The following SHISAL1 variants were observed in gnomAD, a reference collection of about 807,000 sequenced individuals.
SHISAL1 encodes protein shisa-like-1.
Under a neutral mutation model 22.6 loss-of-function variants are expected in SHISAL1, and 9 were observed. That is an observed-to-expected ratio of 0.40 (90% CI 0.24 to 0.70). The LOEUF is 0.70. SHISAL1 is among the 30% of genes least tolerant of loss of function. The pLI, the probability that SHISAL1 is intolerant of heterozygous loss-of-function variation, is 0.39. For synonymous variants in SHISAL1, 119 were observed against 115.4 expected, an observed-to-expected ratio of 1.03 and a Z score of -0.20; for missense variants, 246 against 270.6, an observed-to-expected ratio of 0.91 and a Z score of 0.64.
At chr22:44,289,480 GTGTGTGTGTGTGTGTT>G (rs2055338175) in intron 3 of SHISAL1, among the ~76,000 whole-genome samples, 1 of 151,766 alleles carries the variant, frequency 6.6e-6, no homozygotes, top group South Asian at 2.1e-4. Flanking sequence ...GTGTGTGTGT[GTGTGTGTGTGTGTGTT>G]TACTGCCGGG....
chr22:44,265,515 G>A (rs964044525), intron 4 of SHISAL1, among the ~76,000 whole-genome samples: 4 of 152,108 alleles, frequency 2.6e-5, no homozygotes, highest in African/African-American at 7.2e-5. Context: ...TGCTTTGATT[G>A]CAGCCTCCTG....
chr22:44,290,821 C>T (rs899386911), intron 3 of SHISAL1, among the ~76,000 whole-genome samples: 6 of 152,142 alleles, frequency 3.9e-5, no homozygotes, highest in East Asian at 1.9e-4. Flanking sequence ...AATGCTGGCT[C>T]GTGTGATTAA....
intron 4 of SHISAL1, among the ~76,000 whole-genome samples, chr22:44,273,600 T>A (rs1426966640): frequency 1.3e-5 from 2 of 152,266 alleles, no homozygotes; most frequent in Non-Finnish European, 2.9e-5. Context: ...ATAATGGATA[T>A]GTTTACTTGT....
chr22:44,285,848 T>C, intron 3 of SHISAL1, 103 bp from the exon 4 acceptor site: 1 of 1,026,748 alleles, frequency 9.7e-7, no homozygotes, highest in Non-Finnish European at 1.5e-6. Flanking sequence ...GGGGCTATGT[T>C]GGGGTCCCCG....
chr22:44,327,235 G>GGC, the SHISAL1 span, among the ~76,000 whole-genome samples: 1 of 107,870 alleles, frequency 9.3e-6, no homozygotes, highest in Non-Finnish European at 1.8e-5. Context: ...GAGAGTGGGG[G>GGC]GCGCGCACAC....
At chr22:44,305,770 C>A (rs893261571) in intron 1 of SHISAL1, among the ~76,000 whole-genome samples, 1 of 152,194 alleles carries the variant, frequency 6.6e-6, no homozygotes, top group Admixed American at 6.5e-5. Context: ...GTGCCCCCAA[C>A]CCCCCGAGTC....
intron 1 of SHISAL1, among the ~76,000 whole-genome samples, chr22:44,305,018 G>C (rs1006953782): frequency 6.6e-6 from 1 of 152,110 alleles, no homozygotes; most frequent in Admixed American, 6.5e-5. Context: ...CTGATGTTGC[G>C]GGGCTGATGT....
At chr22:44,300,042 GAGAC>G (rs1401542520) in intron 2 of SHISAL1, among the ~76,000 whole-genome samples, 1 of 151,260 alleles carries the variant, frequency 6.6e-6, no homozygotes, top group African/African-American at 2.4e-5. Context: ...GACACAGAAA[GAGAC>G]AGAGAGACAG....
chr22:44,286,938 C>T (rs536618911), intron 3 of SHISAL1, among the ~76,000 whole-genome samples: 2 of 152,332 alleles, frequency 1.3e-5, no homozygotes, highest in South Asian at 2.1e-4. Context: ...CTTCTGGTGT[C>T]GAGGAGGCGT....
At chr22:44,293,019 T>C (rs958074375) in intron 3 of SHISAL1, among the ~76,000 whole-genome samples, 10 of 148,274 alleles carry the variant, frequency 6.7e-5, no homozygotes, top group African/African-American at 2.2e-4. Context: ...CCCTATCCCC[T>C]GGGCTAGACA....
intron 4 of SHISAL1, among the ~76,000 whole-genome samples, chr22:44,260,452 C>T (rs1429790034): frequency 2.0e-5 from 3 of 152,160 alleles, no homozygotes; most frequent in Non-Finnish European, 2.9e-5. Context: ...TCTGCAGGTG[C>T]GGACAGTGCC....
At chr22:44,252,291 T>C (rs753332617) in intron 4 of SHISAL1, among the ~76,000 whole-genome samples, 8 of 152,160 alleles carry the variant, frequency 5.3e-5, no homozygotes, top group Non-Finnish European at 1.0e-4. Flanking sequence ...AATAACTTGA[T>C]AGCAGGGAGA....
At chr22:44,275,533 T>C (rs1463157049) in intron 4 of SHISAL1, among the ~76,000 whole-genome samples, 1 of 152,150 alleles carries the variant, frequency 6.6e-6, no homozygotes, top group Non-Finnish European at 1.5e-5. Context: ...AGGCCTACCT[T>C]GCACAGAGAA....
intron 4 of SHISAL1, among the ~76,000 whole-genome samples, chr22:44,267,130 A>C (rs1347176967): frequency 2.6e-5 from 4 of 152,084 alleles, no homozygotes; most frequent in Non-Finnish European, 5.9e-5. Flanking sequence ...GGCAGAGGGC[A>C]GGGCACGCAG....
chr22:44,261,077 T>TTATATATATA (rs56290835), intron 4 of SHISAL1, among the ~76,000 whole-genome samples: 2,669 of 108,564 alleles, frequency 0.025, 114 homozygotes, highest in African/African-American at 0.047. Flanking sequence ...CTTCATTACT[T>TTATATATATA]TATATATATA....
chr22:44,245,493 G>A lies in SHISAL1; in HGVS notation c.*4192C>T, dbSNP rs2052522843. On this transcript the variant is annotated 3_prime_UTR_variant, in exon 5 of 5. Coordinates refer to ENST00000381176, the MANE Select transcript of SHISAL1 (RefSeq NM_001099294.2). Reference sequence around the variant, plus strand: ...TTTCCTGTTGATGGGGACCAGTTCAGCCAAGTTGAAAAATTAAAAAATTTT... The same window carrying A: ...TTTCCTGTTGATGGGGACCAGTTCAACCAAGTTGAAAAATTAAAAAATTTT... The A allele has an allele frequency of 6.6e-6, 1 of 152,222 alleles. No individual in the cohort carries two copies. The highest frequency in any genetic ancestry group is 1.5e-5 in the Non-Finnish European group (1 of 68,046). The allele number at this position is 152,222 out of a possible 1,614,324, so 9.4% of individuals were successfully genotyped here. A position where few individuals can be genotyped will look rare whatever the true frequency, so the allele number is the denominator to read the frequency against.
At chr22:44,274,758 C>T (rs1459586186) in intron 4 of SHISAL1, among the ~76,000 whole-genome samples, 2 of 152,198 alleles carry the variant, frequency 1.3e-5, no homozygotes, top group East Asian at 1.9e-4. Flanking sequence ...GGGAGAAAAA[C>T]GCAAAGCAGT....
At chr22:44,272,671 GCTTT>G (rs2055213181) in intron 4 of SHISAL1, among the ~76,000 whole-genome samples, 1 of 152,190 alleles carries the variant, frequency 6.6e-6, no homozygotes, top group African/African-American at 2.4e-5. Flanking sequence ...CATCTGCCCT[GCTTT>G]CTTTGCCTGG....
At chr22:44,271,986 G>T (rs112398954) in intron 4 of SHISAL1, among the ~76,000 whole-genome samples, 2 of 152,196 alleles carry the variant, frequency 1.3e-5, no homozygotes, top group African/African-American at 4.8e-5. Flanking sequence ...TAGTTGCTGC[G>T]TTAGGGCATT....
Sources: allele counts gnomAD v4.1 joint callset (sites outside exome capture counted in the v4.1 genomes callset), GRCh38; gene constraint gnomAD v4.1.1; transcripts MANE v1.5; gene names NCBI Gene and HGNC (gene_info 2026-07-23, HGNC 2026-07-21).